The following ZNF804B variants were observed in gnomAD, a reference collection of about 807,000 sequenced individuals.
The protein encoded by ZNF804B is zinc finger protein 804B.
Under a neutral mutation model 101.4 loss-of-function variants are expected in ZNF804B, and 80 were observed. That is an observed-to-expected ratio of 0.79 (90% CI 0.66 to 0.95). The LOEUF (loss-of-function observed/expected upper bound fraction) is 0.95. Ranked by LOEUF, ZNF804B falls within the 40% of genes least tolerant of loss-of-function variation. The pLI, the probability that ZNF804B is intolerant of heterozygous loss-of-function variation, is 0.00. For synonymous variants in ZNF804B, 622 were observed against 558.8 expected (o/e 1.11, Z -1.59); for missense variants, 1,673 against 1,561.9 (o/e 1.07, Z -1.20).
chr7:88,956,969 A>G (rs1304100206), intron 1 of ZNF804B, among the ~76,000 whole-genome samples: 1 of 151,604 alleles, frequency 6.6e-6, no homozygotes, highest in Non-Finnish European at 1.5e-5. Flanking sequence ...TTATAGATGA[A>G]TACTGCCTAA....
At chr7:89,112,250 G>C (rs1490729485) in intron 1 of ZNF804B, among the ~76,000 whole-genome samples, 4 of 152,000 alleles carry the variant, frequency 2.6e-5, no homozygotes, top group Non-Finnish European at 5.9e-5. Flanking sequence ...AATAGTCTTA[G>C]ATATGACATC....
chr7:89,328,483 A>T (rs999749857), intron 3 of ZNF804B, among the ~76,000 whole-genome samples: 1 of 151,924 alleles, frequency 6.6e-6, no homozygotes, highest in Admixed American at 6.6e-5. Flanking sequence ...TAAGGTTAAT[A>T]CAAAAATGCA....
chr7:88,979,745 A>G (rs1793669506), intron 1 of ZNF804B, among the ~76,000 whole-genome samples: 2 of 150,518 alleles, frequency 1.3e-5, no homozygotes, highest in African/African-American at 2.4e-5. Flanking sequence ...TTCAATATTG[A>G]TATGTTTCTC....
At chr7:89,171,334 C>CTTCTTCTTCTTCTTCTTCTTT in intron 1 of ZNF804B, among the ~76,000 whole-genome samples, 1 of 130,444 alleles carries the variant, frequency 7.7e-6, no homozygotes, top group Admixed American at 7.4e-5. Context: ...TCTTCTTCTT[C>CTTCTTCTTCTTCTTCTTCTTT]TTCTTCTTCT....
chr7:88,815,839 C>T (rs1244649414), intron 1 of ZNF804B, among the ~76,000 whole-genome samples: 2 of 151,866 alleles, frequency 1.3e-5, no homozygotes, highest in Admixed American at 6.6e-5. Flanking sequence ...TTAACCTGCT[C>T]ATGCTCTGTC....
In ZNF804B at chr7:89,334,129, T is replaced by C. The variant is rs758003159; in HGVS notation, c.1147T>C (p.Cys383Arg). 6.2e-7 allele frequency: 1 copy of C among 1,613,738 alleles called. No homozygotes were observed. The highest frequency in any genetic ancestry group is 1.1e-5 in the South Asian group (1 of 91,074). Residue 383 changes from cysteine (C) to arginine (R), a missense_variant, in exon 4 of 4, where the codon TGC becomes CGC. Physicochemically the swap from Cys to Arg is radical, Grantham distance 180. Coordinates refer to ENST00000333190, the MANE Select transcript of ZNF804B (RefSeq NM_181646.5). ...CCATAGTGATGCCAGGATATCTGAA[T>C]GCCTGGATGAGTTTTCATCACTGGA... ...YNHSDARISECLDEFSSLEPS... is the reference protein window; with the variant it reads ...YNHSDARISERLDEFSSLEPS...
chr7:89,160,638 A>T (rs1791045005), intron 1 of ZNF804B, among the ~76,000 whole-genome samples: 1 of 152,186 alleles, frequency 6.6e-6, no homozygotes, highest in African/African-American at 2.4e-5. Context: ...GCTGTAAGAC[A>T]CTGATAAGGA....
chr7:89,276,312 C>T (rs1270852510), intron 2 of ZNF804B, among the ~76,000 whole-genome samples: 1 of 151,658 alleles, frequency 6.6e-6, no homozygotes, highest in Non-Finnish European at 1.5e-5. Context: ...TGCACATGTA[C>T]CCTGGAACTT....
intron 1 of ZNF804B, among the ~76,000 whole-genome samples, chr7:88,870,524 A>G (rs1023621711): frequency 2.0e-5 from 3 of 152,122 alleles, no homozygotes; most frequent in Admixed American, 6.5e-5. Flanking sequence ...CCTAGAAGCC[A>G]TGGCTTCCCT....
intron 1 of ZNF804B, among the ~76,000 whole-genome samples, chr7:89,091,398 A>G (rs1228996024): frequency 6.6e-6 from 1 of 152,148 alleles, no homozygotes; most frequent in Non-Finnish European, 1.5e-5. Flanking sequence ...TTATTTTACA[A>G]TATTTCTCTA....
intron 2 of ZNF804B, among the ~76,000 whole-genome samples, chr7:89,242,152 G>A (rs1562926371): frequency 6.6e-6 from 1 of 151,766 alleles, no homozygotes; most frequent in Non-Finnish European, 1.5e-5. Context: ...TAATTGATGA[G>A]GCTGGGTTAT....
intron 1 of ZNF804B, among the ~76,000 whole-genome samples, chr7:89,132,185 C>T (rs1790563441): frequency 6.6e-6 from 1 of 151,466 alleles, no homozygotes; most frequent in Admixed American, 6.6e-5. Flanking sequence ...CACACACACA[C>T]ACACACACAC....
intron 1 of ZNF804B, among the ~76,000 whole-genome samples, chr7:89,141,786 TG>T: frequency 6.6e-6 from 1 of 151,942 alleles, no homozygotes; most frequent in Admixed American, 6.6e-5. Flanking sequence ...ATGGGAGATT[TG>T]TAAGTATATT....
intron 1 of ZNF804B, among the ~76,000 whole-genome samples, chr7:88,844,346 T>C (rs1401339615): frequency 1.3e-5 from 2 of 152,200 alleles, no homozygotes; most frequent in Non-Finnish European, 2.9e-5. Flanking sequence ...TTATTTTTAG[T>C]TGGTATGTTT....
intron 1 of ZNF804B, among the ~76,000 whole-genome samples, chr7:88,944,134 A>G (rs1371792483): frequency 1.3e-5 from 2 of 151,712 alleles, no homozygotes; most frequent in Non-Finnish European, 2.9e-5. Flanking sequence ...TATTTATGGG[A>G]TTTTGGTGAG....
chr7:88,862,205 C>G (rs1791660369), intron 1 of ZNF804B, among the ~76,000 whole-genome samples: 2 of 152,116 alleles, frequency 1.3e-5, no homozygotes, highest in Non-Finnish European at 2.9e-5. Context: ...CTTTGAACAT[C>G]TAAAACTACT....
chr7:88,904,185 CCAA>C (rs758774593), intron 1 of ZNF804B, among the ~76,000 whole-genome samples: 1 of 152,096 alleles, frequency 6.6e-6, no homozygotes, highest in Non-Finnish European at 1.5e-5. Flanking sequence ...GTCAGGTATC[CCAA>C]CAACATTTAT....
intron 2 of ZNF804B, among the ~76,000 whole-genome samples, chr7:89,220,419 A>T (rs1179384800): frequency 6.6e-6 from 1 of 151,706 alleles, no homozygotes; most frequent in Non-Finnish European, 1.5e-5. Flanking sequence ...CTGAGATAGG[A>T]TCTAGCAATC....
intron 1 of ZNF804B, among the ~76,000 whole-genome samples, chr7:89,211,885 T>C (rs183416827): frequency 2.4e-4 from 36 of 152,312 alleles, no homozygotes; most frequent in African/African-American, 8.4e-4. Flanking sequence ...GTGAAGAATG[T>C]CCATGGTAGT....
Sources: gnomAD v4.1 joint callset for allele counts (sites outside exome capture counted in the v4.1 genomes callset) on GRCh38, gnomAD v4.1.1 for gene constraint, MANE v1.5 for transcripts, NCBI Gene and HGNC (gene_info 2026-07-23, HGNC 2026-07-21) for gene names.